SETD3: variants seen among roughly 807,000 people sequenced by gnomAD.
SETD3 encodes the protein SET domain containing 3, actin N3(tau)-histidine methyltransferase, also known as actin-histidine N-methyltransferase.
SETD3 carries 19 observed loss-of-function variants against 63.0 expected under a neutral mutation model. The observed-to-expected ratio is 0.30, with a 90% CI of 0.21 to 0.44. The LOEUF (loss-of-function observed/expected upper bound fraction) is 0.44, where lower values mean the gene tolerates loss of function less well. Among genes scored for constraint, SETD3 ranks in the 20% least tolerant of loss-of-function variants. The probability of loss-of-function intolerance (pLI) is 1.00; values close to 1 mark genes in which losing one functional copy is unlikely to be tolerated. For synonymous variants in SETD3, 286 were observed against 264.1 expected (o/e 1.08, Z -0.80); for missense variants, 587 against 728.5 (o/e 0.81, Z 2.24).
Position 99,459,135 on chromosome 14 carries a change from T to C in SETD3, c.396A>G (p.Glu132=), listed in dbSNP as rs1329061134. ...CACCCAACACTGAATTTTTAGCAGA[T>C]TCAACAGTCATTAGCAATTTTCGTG... ...WVPRKLLMTV[E]SAKNSVLGPL... Residue 132 remains glutamate (E), a synonymous_variant, in exon 5 of 13, where the codon GAA becomes GAG. Transcript: ENST00000331768. 1 of 1,611,062 alleles carries C rather than the reference T, an allele frequency of 6.2e-7. No individual in the cohort carries two copies. The highest frequency in any genetic ancestry group is 1.1e-5 in the South Asian group (1 of 90,514).
At chr14:99,402,454 GCT>G (rs1232625484) in intron 11 of SETD3, among the ~76,000 whole-genome samples, 1 of 152,180 alleles carries the variant, frequency 6.6e-6, no homozygotes, top group African/African-American at 2.4e-5. Context: ...ACAGGGTCTT[GCT>G]CTGTTGGCCA....
chr14:99,448,666 A>T (rs530200960), intron 6 of SETD3, among the ~76,000 whole-genome samples: 1 of 152,182 alleles, frequency 6.6e-6, no homozygotes, highest in Admixed American at 6.5e-5. Flanking sequence ...CCTCACCATC[A>T]TCTTTGACTC....
At chr14:99,414,075 A>C (rs935122573) in intron 6 of SETD3, 141 bp from the exon 7 acceptor site, 4 of 721,278 alleles carry the variant, frequency 5.5e-6, no homozygotes, top group Non-Finnish European at 9.7e-6. Flanking sequence ...GCCGCGCTAC[A>C]GAGGGATCAT....
At position 99,419,019 on chromosome 14, in the gene SETD3, T is replaced by C. The variant is rs563917472; in HGVS notation, c.676-5085A>G. Reference sequence around the variant, plus strand: ...TAATACAGTTGAACAGAATGACAAATTGCAAAGTATCTCTTGAATTGAAAA... The same window carrying C: ...TAATACAGTTGAACAGAATGACAAACTGCAAAGTATCTCTTGAATTGAAAA... On this transcript the variant is annotated intron_variant, in intron 6 of 12. Coordinates refer to ENST00000331768, the MANE Select transcript of SETD3 (RefSeq NM_032233.3). Among the ~76,000 whole-genome samples the C allele has an allele frequency of 4.6e-5, 7 of 152,252 alleles. No individual in the cohort carries two copies. The South Asian group carries it at 1.2e-3, about 27-fold the overall frequency.
intron 1 of SETD3, among the ~76,000 whole-genome samples, chr14:99,474,954 T>C (rs548070749): frequency 6.6e-6 from 1 of 152,164 alleles, no homozygotes; most frequent in Non-Finnish European, 1.5e-5. Context: ...TTTCATTACA[T>C]AGTAGGTTTT....
chr14:99,441,416 C>T (rs746219825), intron 6 of SETD3, among the ~76,000 whole-genome samples: 2 of 152,190 alleles, frequency 1.3e-5, no homozygotes, highest in Non-Finnish European at 2.9e-5. Flanking sequence ...CTAGGCCAGG[C>T]GGCAGTGCCA....
Position 99,458,448 on chromosome 14 carries a change from T to G in SETD3, c.506A>C (p.Asn169Thr). The G allele has an allele frequency of 1.2e-6, 2 of 1,613,942 alleles. No individual in the cohort carries two copies. Reference protein sequence around the residue: ...FHLLCERASPNSFWQPYIQTL... With the variant: ...FHLLCERASPTSFWQPYIQTL... ...TTGAATATAGGGCTGCCAGAAGGAG[T>G]TAGGGCTGGCTCGCTCACACAGCAA... Residue 169 changes from asparagine (N) to threonine (T), a missense_variant, in exon 6 of 13, where the codon AAC (asparagine) becomes ACC (threonine). Coordinates refer to ENST00000331768, the MANE Select transcript of SETD3 (RefSeq NM_032233.3).
intron 1 of SETD3, among the ~76,000 whole-genome samples, chr14:99,472,115 G>A (rs1371738702): frequency 6.6e-6 from 1 of 152,226 alleles, no homozygotes; most frequent in Non-Finnish European, 1.5e-5. Flanking sequence ...CCTATACTAT[G>A]TTCGCTGTTG....
At chr14:99,410,139 A>AGTG (rs1891899853) in intron 8 of SETD3, 2 of 1,539,506 alleles carry the variant, frequency 1.3e-6, no homozygotes, top group Admixed American at 3.4e-5. Flanking sequence ...GAGGTCTATG[A>AGTG]GTGAGTCCCG....
At chr14:99,399,540 C>T (rs1480769836) in intron 12 of SETD3, among the ~76,000 whole-genome samples, 1 of 151,978 alleles carries the variant, frequency 6.6e-6, no homozygotes, top group Non-Finnish European at 1.5e-5. Context: ...CAGTAGTGAA[C>T]TTAAAAAGCA....
chr14:99,484,632 A>G (rs1237322766), upstream of SETD3, among the ~76,000 whole-genome samples: 2 of 152,252 alleles, frequency 1.3e-5, no homozygotes, highest in Non-Finnish European at 1.5e-5. Flanking sequence ...CCATCTGTGT[A>G]GCAGATCTAG....
chr14:99,403,455 A>ACACT lies in SETD3; in HGVS notation c.1177+769_1177+770insAGTG, dbSNP rs1416541957. On this transcript the variant is annotated intron_variant, in intron 11 of 12. Transcript: ENST00000331768. Reference sequence around the variant, plus strand: ...TACACACACACACACACACACACACACTCTCTCTCTCTCTCTCTCTCTCTC... The same window carrying ACACT: ...TACACACACACACACACACACACACACACTCTCTCTCTCTCTCTCTCTCTCTCTC... 4.6e-3 allele frequency among the ~76,000 whole-genome samples: 630 copies of ACACT among 135,532 alleles called. 9 individuals carry two copies. The East Asian group carries it at 0.053, about 11-fold the overall frequency. 88.9% of individuals were successfully genotyped at this position (135,532 alleles called of 152,430 possible).
chr14:99,406,419 T>G, intron 9 of SETD3, 97 bp downstream of exon 9: 1 of 1,098,038 alleles, frequency 9.1e-7, no homozygotes. Context: ...TCCACATTTT[T>G]TCCCCTAAGT....
intron 1 of SETD3, among the ~76,000 whole-genome samples, chr14:99,473,475 C>CA (rs1484804456): frequency 1.3e-5 from 2 of 152,236 alleles, no homozygotes; most frequent in African/African-American, 4.8e-5. Context: ...TTCAACTAAA[C>CA]AGAACTAGAA....
intron 6 of SETD3, among the ~76,000 whole-genome samples, chr14:99,451,499 T>C (rs1186533043): frequency 6.6e-6 from 1 of 152,088 alleles, no homozygotes; most frequent in Non-Finnish European, 1.5e-5. Flanking sequence ...ATCTTTTTTC[T>C]TTTTTTCTTT....
chr14:99,401,976 A>C (rs1566870727), intron 11 of SETD3, among the ~76,000 whole-genome samples: 1 of 152,242 alleles, frequency 6.6e-6, no homozygotes, highest in Non-Finnish European at 1.5e-5. Flanking sequence ...CCTGCAGGCC[A>C]GGAGCTCCTG....
intron 8 of SETD3, chr14:99,410,013 G>T: frequency 2.1e-6 from 1 of 478,800 alleles, no homozygotes. Flanking sequence ...TTTTTAAAAA[G>T]GCAGAAACAA....
At chr14:99,413,482 G>T (rs149906790) in intron 7 of SETD3, among the ~76,000 whole-genome samples, 6 of 152,270 alleles carry the variant, frequency 3.9e-5, no homozygotes, top group South Asian at 2.1e-4. Flanking sequence ...TCTGTGAATT[G>T]TAAGAAATGT....
intron 6 of SETD3, among the ~76,000 whole-genome samples, chr14:99,446,578 C>T (rs1371623145): frequency 1.3e-5 from 2 of 152,098 alleles, no homozygotes; most frequent in Non-Finnish European, 2.9e-5. Context: ...TGCCTCTACT[C>T]CCATGCAAAC....
Sources: allele counts gnomAD v4.1 joint callset (sites outside exome capture counted in the v4.1 genomes callset), GRCh38; gene constraint gnomAD v4.1.1; transcripts MANE v1.5; gene names NCBI Gene and HGNC (gene_info 2026-07-23, HGNC 2026-07-21).